DPP6: variants seen among roughly 807,000 people sequenced by gnomAD.
DPP6 encodes dipeptidyl peptidase like 6.
In DPP6, 69 loss-of-function variants were observed where a neutral mutation model predicts 122.6. The ratio of observed to expected loss-of-function variants is 0.56; its 90% CI spans 0.46 to 0.69. The LOEUF is 0.69. Among genes scored for constraint, DPP6 ranks in the 30% least tolerant of loss-of-function variants. The pLI is 0.00. For missense variants in DPP6, 928 were observed against 1,116.9 expected (o/e 0.83, Z 2.41); for synonymous variants, 418 against 433.1 (o/e 0.97, Z 0.43).
At chr7:154,294,790 G>A (rs369600547) in intron 1 of DPP6, among the ~76,000 whole-genome samples, 4 of 152,172 alleles carry the variant, frequency 2.6e-5, no homozygotes, top group East Asian at 1.9e-4. Context: ...AAGACAGCAC[G>A]GCAGTGGAAA....
chr7:154,609,498 T>C (rs201153391), intron 5 of DPP6, among the ~76,000 whole-genome samples: 115 of 152,272 alleles, frequency 7.6e-4, no homozygotes, highest in Non-Finnish European at 1.5e-3. Flanking sequence ...GTGCCTGTGG[T>C]ATAATACACT....
intron 5 of DPP6, among the ~76,000 whole-genome samples, chr7:154,604,421 A>G (rs1386500322): frequency 8.3e-6 from 1 of 120,686 alleles, no homozygotes; most frequent in African/African-American, 2.6e-5. Context: ...TCTTACATGT[A>G]AATCAGGAAA....
At chr7:154,887,776 GC>G in intron 23 of DPP6, 42 bp downstream of exon 23, 1 of 1,610,124 alleles carries the variant, frequency 6.2e-7, no homozygotes, top group African/African-American at 1.3e-5. Context: ...AGACCAGTCA[GC>G]CTCTGCCACA....
At chr7:154,690,177 G>A (rs531921038) in intron 7 of DPP6, among the ~76,000 whole-genome samples, 1 of 152,254 alleles carries the variant, frequency 6.6e-6, no homozygotes, top group East Asian at 1.9e-4. Flanking sequence ...TCATCAAAAT[G>A]AACATATGAA....
At chr7:154,574,509 T>A (rs1831358097) in intron 5 of DPP6, among the ~76,000 whole-genome samples, 1 of 143,576 alleles carries the variant, frequency 7.0e-6, no homozygotes, top group African/African-American at 2.6e-5. Flanking sequence ...TGTGTGTATG[T>A]GTGGTGTGGT....
chr7:154,303,077 G>C (rs1371120186), intron 1 of DPP6, among the ~76,000 whole-genome samples: 1 of 152,200 alleles, frequency 6.6e-6, no homozygotes, highest in Non-Finnish European at 1.5e-5. Context: ...CGCCCCTCAG[G>C]TTCAAGCGAT....
At chr7:154,499,392 C>T (rs1232600326) in intron 3 of DPP6, among the ~76,000 whole-genome samples, 1 of 152,128 alleles carries the variant, frequency 6.6e-6, no homozygotes, top group Non-Finnish European at 1.5e-5. Context: ...AACTGGGCTC[C>T]TGTTCATATT....
At chr7:154,081,298 T>C (rs1467757267) in intron 1 of DPP6, among the ~76,000 whole-genome samples, 1 of 148,304 alleles carries the variant, frequency 6.7e-6, no homozygotes, top group African/African-American at 2.4e-5. Context: ...CTGTGATCAG[T>C]GCACAGGAAT....
At chr7:154,362,076 G>A (rs905585604) in intron 1 of DPP6, among the ~76,000 whole-genome samples, 3 of 152,204 alleles carry the variant, frequency 2.0e-5, no homozygotes, top group Admixed American at 6.5e-5. Flanking sequence ...TTGTTGAGGA[G>A]TATCTAAAGG....
intron 10 of DPP6, among the ~76,000 whole-genome samples, chr7:154,783,517 C>A (rs565634221): frequency 1.3e-5 from 2 of 152,276 alleles, no homozygotes; most frequent in East Asian, 3.9e-4. Flanking sequence ...CAGCCATTCC[C>A]GCAGCACAGG....
At chr7:154,752,719 C>T (rs1430255490) in intron 8 of DPP6, among the ~76,000 whole-genome samples, 1 of 152,122 alleles carries the variant, frequency 6.6e-6, no homozygotes, top group East Asian at 1.9e-4. Context: ...AGAGGAAAGC[C>T]CTGACCTACA....
At chr7:154,767,073 A>G (rs1268929280) in intron 8 of DPP6, among the ~76,000 whole-genome samples, 1 of 152,032 alleles carries the variant, frequency 6.6e-6, no homozygotes, top group Non-Finnish European at 1.5e-5. Flanking sequence ...TTTTGTTGTT[A>G]TTGTTGTTTG....
At chr7:154,011,081 T>C (rs1409876385) in intron 1 of DPP6, among the ~76,000 whole-genome samples, 22 of 151,814 alleles carry the variant, frequency 1.4e-4, no homozygotes, top group South Asian at 2.1e-4. Flanking sequence ...CCCCTATCCC[T>C]CTCCTGTTTC....
intron 5 of DPP6, chr7:154,587,313 T>A: frequency 3.0e-6 from 1 of 330,494 alleles, no homozygotes; most frequent in Non-Finnish European, 5.6e-6. Context: ...AATTGGGTGA[T>A]CTGCCTGGAG....
intron 5 of DPP6, among the ~76,000 whole-genome samples, chr7:154,608,337 A>G (rs200828683): frequency 2.0e-4 from 24 of 120,380 alleles, no homozygotes; most frequent in Non-Finnish European, 3.6e-4. Flanking sequence ...ATATATATAT[A>G]TATATTTTGA....
upstream of DPP6, among the ~76,000 whole-genome samples, chr7:154,047,434 G>A (rs1201747242): frequency 1.3e-5 from 2 of 149,808 alleles, no homozygotes; most frequent in African/African-American, 2.5e-5. Flanking sequence ...GTCATATCTC[G>A]TTTAATCTAA....
At chr7:153,941,432 C>G (rs1403093073) in intron 1 of DPP6, among the ~76,000 whole-genome samples, 21 of 152,140 alleles carry the variant, frequency 1.4e-4, no homozygotes, top group Admixed American at 1.4e-3. Context: ...ATTCCTGGGC[C>G]CCTCTGGGGT....
chr7:153,966,854 C>T (rs1321427439), intron 1 of DPP6, among the ~76,000 whole-genome samples: 3 of 151,196 alleles, frequency 2.0e-5, no homozygotes, highest in African/African-American at 4.9e-5. Context: ...ATCACTTGAG[C>T]TCGCAAATTC....
chr7:154,251,051 TC>T (rs1802319579), intron 1 of DPP6, among the ~76,000 whole-genome samples: 1 of 152,224 alleles, frequency 6.6e-6, no homozygotes, highest in Non-Finnish European at 1.5e-5. Flanking sequence ...ATGGGAATAA[TC>T]ACACAAAGTA....
Sources: allele counts gnomAD v4.1 joint callset (sites outside exome capture counted in the v4.1 genomes callset), GRCh38; gene constraint gnomAD v4.1.1; transcripts MANE v1.5; gene names NCBI Gene and HGNC (gene_info 2026-07-23, HGNC 2026-07-21).